SPTBN5: variants seen among roughly 807,000 people sequenced by gnomAD.
The protein encoded by SPTBN5 is spectrin beta, non-erythrocytic 5, also known as spectrin beta chain, non-erythrocytic 5.
A neutral mutation model predicts 477.6 loss-of-function variants in SPTBN5; 513 were observed. That is an observed-to-expected ratio of 1.07 (90% CI 1.00 to 1.16). SPTBN5 has a LOEUF of 1.16. Ranked by LOEUF, SPTBN5 falls within the 50% of genes most tolerant of loss-of-function variation. The probability of loss-of-function intolerance (pLI) is 0.00; values close to 1 mark genes in which losing one functional copy is unlikely to be tolerated. For missense variants in SPTBN5, 5,062 were observed against 4,731.8 expected (o/e 1.07, Z -2.05); for synonymous variants, 2,169 against 2,011.7 (o/e 1.08, Z -2.09).
intron 58 of SPTBN5, 60 bp downstream of exon 58, chr15:41,853,522 G>A (rs975017419): frequency 5.2e-6 from 8 of 1,539,090 alleles, no homozygotes; most frequent in Non-Finnish European, 7.0e-6. Context: ...TCCCCCAAGA[G>A]CCAGGATACC....
Position 41,883,206 on chromosome 15 carries a change from C to T in SPTBN5, c.1682G>A (p.Cys561Tyr), listed in dbSNP as rs774012088. 5 of 1,611,352 alleles carry T rather than the reference C, an allele frequency of 3.1e-6. No individual in the cohort carries two copies. Among genetic ancestry groups the T allele is most frequent in the African/African-American group, 1.3e-5 (1 of 74,924 alleles). ...ELQEPARSTA[C>Y]GQQLAEVVEL... ...CACCACTTCTGCCAGCTGCTGCCCA[C>T]AGGCGGTGGACCTGGCCGGCTCCTG... Residue 561 changes from cysteine (C) to tyrosine (Y), a missense_variant, in exon 9 of 68, where the codon TGT (cysteine) becomes TAT (tyrosine). Coordinates refer to ENST00000320955, the MANE Select transcript of SPTBN5 (RefSeq NM_016642.4).
Position 41,851,797 on chromosome 15 carries a change from C to T in SPTBN5, c.10638G>A (p.Leu3546=), listed in dbSNP as rs1338192250. Residue 3546 remains leucine, a synonymous_variant, in exon 63 of 68, where the codon CTG becomes CTA. Transcript: ENST00000320955. Reference sequence around the variant, plus strand: ...CACTCACCTGCCTCCCGCCAGGCAGCAGGTGCTGCTTGAACTCCAAAGACC... The same window carrying T: ...CACTCACCTGCCTCCCGCCAGGCAGTAGGTGCTGCTTGAACTCCAAAGACC... ...MEGSLEFKQH[L]LPGGRQPSSS... is the part of the protein sequence containing the mutation. 1 of 1,610,520 alleles carries T rather than the reference C, an allele frequency of 6.2e-7. No individual in the cohort carries two copies. The highest frequency in any genetic ancestry group is 1.7e-5 in the Admixed American group (1 of 59,922).
intron 47 of SPTBN5, among the ~76,000 whole-genome samples, chr15:41,860,344 C>G (rs1157309459): frequency 6.6e-6 from 1 of 152,252 alleles, no homozygotes; most frequent in Non-Finnish European, 1.5e-5. Context: ...TCTCTTTAAA[C>G]TCCCTTTGAT....
Position 41,877,219 on chromosome 15 carries a change from C to T in SPTBN5, c.3608G>A (p.Trp1203Ter). 2.5e-6 allele frequency: 4 copies of T among 1,614,018 alleles called. No individual in the cohort carries two copies. The highest frequency in any genetic ancestry group is 3.4e-6 in the Non-Finnish European group (4 of 1,179,902). The stretch of plus-strand genomic sequence containing the variant: ...CTGCAGCTCCAGCCCCTCTTGCAGC[C>T]ACTGCTGCCTCTGCTCCCACAAAAC... ...LKVLWEQRQQ[W>*]LQEGLELQKF... is the part of the protein sequence containing the mutation. The change falls in exon 18 of 68, where the codon TGG becomes TAG. Residue 1203 changes from tryptophan to a stop codon, truncating the protein, a stop_gained. Coordinates refer to ENST00000320955, the MANE Select transcript of SPTBN5 (RefSeq NM_016642.4). LOFTEE classifies it high-confidence loss of function.
chr15:41,882,522 CG>C (rs1258476777), intron 10 of SPTBN5, 53 bp from the exon 11 acceptor site: 3 of 1,575,766 alleles, frequency 1.9e-6, no homozygotes, highest in Non-Finnish European at 8.6e-7. Flanking sequence ...GGGAGGGGGC[CG>C]GGGGCCCGAG....
chr15:41,880,057 C>T (rs565937771), intron 14 of SPTBN5, 103 bp downstream of exon 14: 1 of 1,452,436 alleles, frequency 6.9e-7, no homozygotes, highest in African/African-American at 1.4e-5. Flanking sequence ...GCTCCCCTCC[C>T]CCAGGCAGGA....
chr15:41,867,163 T>TGGGCTG (rs1376648404), intron 35 of SPTBN5, 37 bp from the exon 36 acceptor site: 2 of 1,502,172 alleles, frequency 1.3e-6, no homozygotes. Flanking sequence ...TCTCCCACCC[T>TGGGCTG]GGGCTGGGGC....
chr15:41,863,400 AG>A (rs137967931), intron 41 of SPTBN5, among the ~76,000 whole-genome samples: 91 of 152,270 alleles, frequency 6.0e-4, no homozygotes, highest in African/African-American at 2.2e-3. Context: ...CAGGGATGGG[AG>A]GAAACAGAGA....
chr15:41,880,428 G>T, intron 13 of SPTBN5, 116 bp from the exon 14 acceptor site: 1 of 1,110,514 alleles, frequency 9.0e-7, no homozygotes, highest in Non-Finnish European at 1.3e-6. Context: ...CCAGGGTCAG[G>T]GCCAGAGGGG....
chr15:41,850,789 G>A, intron 66 of SPTBN5, 65 bp downstream of exon 66: 1 of 1,391,054 alleles, frequency 7.2e-7, no homozygotes, highest in East Asian at 2.5e-5. Flanking sequence ...TAAAACACTA[G>A]GGGCCCAGGA....
Position 41,888,037 on chromosome 15 carries a change from G to A in SPTBN5, c.550C>T (p.Leu184=). The A allele has an allele frequency of 6.3e-7, 1 of 1,586,422 alleles. No individual in the cohort carries two copies. The highest frequency in any genetic ancestry group is 8.6e-7 in the Non-Finnish European group (1 of 1,166,708). The change falls in exon 5 of 68, where the codon CTG becomes TTG. Residue 184 remains leucine (L), a synonymous_variant. Transcript: ENST00000320955. ...AALLSTKEAL[L]VWCQRKTASY... is the part of the protein sequence containing the mutation. Reference sequence around the variant, plus strand: ...GCTGTCTTCCGCTGGCACCAGACCAGCAGGGCTTCCTTGGTGGACAGCAGG... The same window carrying A: ...GCTGTCTTCCGCTGGCACCAGACCAACAGGGCTTCCTTGGTGGACAGCAGG...
At chr15:41,885,354 C>T (rs972385766) in intron 7 of SPTBN5, among the ~76,000 whole-genome samples, 3 of 152,140 alleles carry the variant, frequency 2.0e-5, no homozygotes, top group Admixed American at 6.5e-5. Context: ...TTTATTACCA[C>T]ATGCTATGAA....
chr15:41,887,410 G>A lies in SPTBN5; in HGVS notation c.691C>T (p.Pro231Ser). ...PDLLDYGSLR[P>S]DRPLHNLAFA... Reference sequence around the variant, plus strand: ...GCAAGGTTGTGCAGTGGGCGGTCTGGACGCAGGGAGCCGTAGTCCAACAGG... The same window carrying A: ...GCAAGGTTGTGCAGTGGGCGGTCTGAACGCAGGGAGCCGTAGTCCAACAGG... Residue 231 changes from proline to serine, a missense_variant, in exon 6 of 68, where the codon CCA (proline) becomes TCA (serine). Pro to Ser is a moderately conservative substitution (Grantham distance 74, BLOSUM62 -1). Transcript: ENST00000320955. The A allele has an allele frequency of 6.4e-7, 1 of 1,553,450 alleles. No homozygotes were observed. The highest frequency in any genetic ancestry group is 1.2e-5 in the South Asian group (1 of 84,144).
At chr15:41,880,093 C>G (rs1381991955) in intron 14 of SPTBN5, 67 bp downstream of exon 14, 2 of 1,508,780 alleles carry the variant, frequency 1.3e-6, no homozygotes, top group Non-Finnish European at 1.8e-6. Flanking sequence ...AAAACTGAGT[C>G]ACAGCAGCAG....
intron 29 of SPTBN5, 65 bp from the exon 30 acceptor site, chr15:41,870,625 G>T: frequency 2.9e-6 from 4 of 1,375,642 alleles, no homozygotes; most frequent in South Asian, 1.2e-5. Context: ...CCTCCCTCCC[G>T]CTAGGTCTGG....
chr15:41,874,675 G>A (rs1434844120), intron 23 of SPTBN5, among the ~76,000 whole-genome samples, 167 bp downstream of exon 23: 1 of 152,230 alleles, frequency 6.6e-6, no homozygotes, highest in African/African-American at 2.4e-5. Context: ...CTGCACTGTG[G>A]GGGTCCTGCT....
intron 33 of SPTBN5, 62 bp from the exon 34 acceptor site, chr15:41,868,280 G>A: frequency 1.3e-6 from 2 of 1,564,014 alleles, no homozygotes; most frequent in South Asian, 2.3e-5. Context: ...GTGAGGACTG[G>A]ATCCTGAGGG....
rs1408978210 is a variant in SPTBN5, at chr15:41,871,367, G to A, written c.5447+8C>T. On this transcript the variant is annotated splice_region_variant and intron_variant, in intron 29 of 67. Transcript: ENST00000320955. ...ACCCCATGCTGGCCTGGCCCGTTGG[G>A]CACTCACTGCAGATCCTGCTGCCTC... 1.4e-6 allele frequency: 2 copies of A among 1,415,806 alleles called. No individual in the cohort carries two copies. Among genetic ancestry groups the A allele is most frequent in the Non-Finnish European group, 9.2e-7 (1 of 1,082,418 alleles). The allele number at this position is 1,415,806 out of a possible 1,614,324, so 87.7% of individuals were successfully genotyped here. A position where few individuals can be genotyped will look rare whatever the true frequency, so the allele number is the denominator to read the frequency against.
At chr15:41,862,046 G>A in intron 44 of SPTBN5, 84 bp downstream of exon 44, 1 of 1,506,356 alleles carries the variant, frequency 6.6e-7, no homozygotes, top group Non-Finnish European at 8.9e-7. Flanking sequence ...CACTCAGGAG[G>A]CCCAAGAGCA....
Sources: gnomAD v4.1 joint callset for allele counts (sites outside exome capture counted in the v4.1 genomes callset) on GRCh38, gnomAD v4.1.1 for gene constraint, MANE v1.5 for transcripts, NCBI Gene and HGNC (gene_info 2026-07-23, HGNC 2026-07-21) for gene names.